LRRC7: variants seen among roughly 807,000 people sequenced by gnomAD.
LRRC7 encodes leucine-rich repeat-containing protein 7.
Under a neutral mutation model 175.7 loss-of-function variants are expected in LRRC7, and 23 were observed. The observed-to-expected ratio is 0.13, with a 90% CI of 0.09 to 0.19. The LOEUF is 0.19. Among genes scored for constraint, LRRC7 ranks in the 10% least tolerant of loss-of-function variants. The probability of loss-of-function intolerance (pLI) is 1.00; values close to 1 mark genes in which losing one functional copy is unlikely to be tolerated. For missense variants in LRRC7, 1,354 were observed against 1,904.7 expected (o/e 0.71, Z 5.38); for synonymous variants, 685 against 680.9 (o/e 1.01, Z -0.09).
At position 70,107,889 on chromosome 1, in the gene LRRC7, C is replaced by G. The variant is rs2102214126; in HGVS notation, c.4620+63C>G. 7 of 1,302,528 alleles carry G rather than the reference C, an allele frequency of 5.4e-6. 1 individual carries two copies. The South Asian group carries it at 8.4e-5, about 16-fold the overall frequency. 80.7% of individuals were successfully genotyped at this position (1,302,528 alleles called of 1,614,324 possible). ...TGAGACAAATATGTAACCATGTTAC[C>G]AAGTTAAATGATTTGAATTAAATGA... is the stretch of plus-strand genomic sequence containing the variant. On this transcript the variant is annotated intron_variant, in intron 26 of 26. Coordinates refer to ENST00000651989, the MANE Select transcript of LRRC7 (RefSeq NM_001370785.2).
intron 1 of LRRC7, among the ~76,000 whole-genome samples, chr1:69,578,169 C>T (rs1646034858): frequency 6.6e-6 from 1 of 151,850 alleles, no homozygotes; most frequent in African/African-American, 2.4e-5. Context: ...GACCTTTATG[C>T]AGCCAAAAAA....
At chr1:69,713,042 C>T (rs914637441) in intron 2 of LRRC7, among the ~76,000 whole-genome samples, 3 of 152,122 alleles carry the variant, frequency 2.0e-5, no homozygotes, top group Admixed American at 1.3e-4. Context: ...GACAAGATTA[C>T]AGACAACAAG....
At chr1:69,595,236 A>G (rs1249901007) in intron 1 of LRRC7, among the ~76,000 whole-genome samples, 17 of 152,134 alleles carry the variant, frequency 1.1e-4, no homozygotes, top group Admixed American at 1.1e-3. Context: ...CCTGGCCAAC[A>G]TGGTGAAACC....
intron 2 of LRRC7, among the ~76,000 whole-genome samples, chr1:69,718,765 A>C (rs533842002): frequency 1.3e-5 from 2 of 151,912 alleles, no homozygotes; most frequent in East Asian, 3.9e-4. Context: ...CTGTTTTGTT[A>C]AAAGAAACCA....
Position 69,781,875 on chromosome 1 carries a change from A to AGG in LRRC7, c.304-10167_304-10166insGG, listed in dbSNP as rs879344873. Among the ~76,000 whole-genome samples, 767 of 145,162 alleles carry AGG rather than the reference A, an allele frequency of 5.3e-3. 12 individuals carry two copies. Among genetic ancestry groups the AGG allele is most frequent in the Non-Finnish European group, 7.8e-3 (514 of 65,910 alleles). On this transcript the variant is annotated intron_variant, in intron 3 of 26. Coordinates refer to ENST00000651989, the MANE Select transcript of LRRC7 (RefSeq NM_001370785.2). Reference sequence around the variant, plus strand: ...AGAAAGAAAGAGAAGGAAGGAAGGAAGAAAGAAAAGGAAGGAAGGAAGGGA... The same window carrying AGG: ...AGAAAGAAAGAGAAGGAAGGAAGGAAGGGAAAGAAAAGGAAGGAAGGAAGGGA...
chr1:70,137,317 G>A lies in LRRC7; in HGVS notation c.*15430G>A, dbSNP rs562993007. Among the ~76,000 whole-genome samples the A allele has an allele frequency of 1.3e-5, 2 of 152,282 alleles. No homozygotes were observed. Among genetic ancestry groups the A allele is most frequent in the African/African-American group, 4.8e-5 (2 of 41,586 alleles). On this transcript the variant is annotated 3_prime_UTR_variant, in exon 27 of 27. Coordinates refer to ENST00000651989, the MANE Select transcript of LRRC7 (RefSeq NM_001370785.2). ...GGGCAGCTCCTCCTTTCTGGAGGAA[G>A]GAACTTCATCTTAAGGCTTGATAAC...
At chr1:69,891,953 C>T (rs1280072964) in intron 7 of LRRC7, among the ~76,000 whole-genome samples, 1 of 146,408 alleles carries the variant, frequency 6.8e-6, no homozygotes, top group African/African-American at 2.5e-5. Context: ...TAAAATGACA[C>T]GTGCCTGTAT....
intron 7 of LRRC7, among the ~76,000 whole-genome samples, chr1:69,860,230 C>T (rs544552108): frequency 2.0e-5 from 3 of 151,396 alleles, no homozygotes; most frequent in African/African-American, 7.3e-5. Context: ...CTTTTTTTTC[C>T]ATGTTGCTTG....
At chr1:69,857,298 C>G (rs1683771410) in intron 7 of LRRC7, among the ~76,000 whole-genome samples, 1 of 152,024 alleles carries the variant, frequency 6.6e-6, no homozygotes, top group Admixed American at 6.6e-5. Flanking sequence ...AAAGGGTATC[C>G]AATTAGGAAA....
intron 23 of LRRC7, among the ~76,000 whole-genome samples, chr1:70,055,266 C>A (rs924138007): frequency 6.6e-6 from 1 of 152,012 alleles, no homozygotes; most frequent in African/African-American, 2.4e-5. Context: ...TAAGCAGAAG[C>A]CGGATCATGC....
intron 2 of LRRC7, among the ~76,000 whole-genome samples, chr1:69,684,488 T>G (rs1180281947): frequency 6.6e-6 from 1 of 152,140 alleles, no homozygotes; most frequent in Admixed American, 6.5e-5. Flanking sequence ...CTTTTGATTC[T>G]GGAACAGATG....
intron 1 of LRRC7, among the ~76,000 whole-genome samples, chr1:69,673,813 C>T (rs111468420): frequency 1.3e-5 from 2 of 151,976 alleles, no homozygotes; most frequent in African/African-American, 4.8e-5. Flanking sequence ...ATTTGTGTAT[C>T]GTTCATGTAA....
intron 10 of LRRC7, among the ~76,000 whole-genome samples, chr1:69,994,058 C>A (rs144232911): frequency 8.5e-5 from 13 of 152,222 alleles, no homozygotes; most frequent in Middle Eastern, 3.4e-3. Flanking sequence ...AAGAATATGA[C>A]GTCATATGTT....
At chr1:69,594,542 A>T (rs1233216305) in intron 1 of LRRC7, among the ~76,000 whole-genome samples, 2 of 152,164 alleles carry the variant, frequency 1.3e-5, no homozygotes, top group African/African-American at 4.8e-5. Context: ...AATTACTTTT[A>T]TTACCTGCCT....
chr1:69,976,439 G>A (rs1339512626), intron 8 of LRRC7, among the ~76,000 whole-genome samples: 1 of 152,148 alleles, frequency 6.6e-6, no homozygotes. Context: ...GGGTAGGTCT[G>A]CCCTCCCCAG....
At chr1:69,608,850 CTCTCTCTCTCTCTCTCTA>C (rs1454511311) in intron 1 of LRRC7, among the ~76,000 whole-genome samples, 530 of 48,450 alleles carry the variant, frequency 0.011, 1 homozygote, top group South Asian at 0.021. Context: ...CTCTCTCTCT[CTCTCTCTCTCTCTCTCTA>C]TATATATATA....
chr1:70,021,994 TG>T (rs1429907938), intron 16 of LRRC7, among the ~76,000 whole-genome samples: 2 of 152,166 alleles, frequency 1.3e-5, no homozygotes, highest in Non-Finnish European at 2.9e-5. Context: ...AGCTAGATTG[TG>T]TGTTATGTTT....
chr1:69,600,099 A>G (rs936784532), intron 1 of LRRC7, among the ~76,000 whole-genome samples: 1 of 152,188 alleles, frequency 6.6e-6, no homozygotes, highest in African/African-American at 2.4e-5. Flanking sequence ...TTTTATTTTA[A>G]AATACATTTA....
chr1:69,654,108 GTTAT>G (rs921174976), intron 1 of LRRC7, among the ~76,000 whole-genome samples: 3 of 150,044 alleles, frequency 2.0e-5, no homozygotes, highest in East Asian at 3.9e-4. Context: ...TAGATCTCAT[GTTAT>G]TTATTTTTTT....
Sources: allele counts gnomAD v4.1 joint callset (sites outside exome capture counted in the v4.1 genomes callset), GRCh38; gene constraint gnomAD v4.1.1; transcripts MANE v1.5; gene names NCBI Gene and HGNC (gene_info 2026-07-23, HGNC 2026-07-21).